Variants in VTI1A observed in about 807,000 individuals in gnomAD.
VTI1A encodes the protein vesicle transport through interaction with t-SNAREs homolog 1A.
VTI1A carries 22 observed loss-of-function variants against 34.9 expected under a neutral mutation model. That is an observed-to-expected ratio of 0.63 (90% CI 0.45 to 0.90). The LOEUF is 0.90. VTI1A is among the 40% of genes least tolerant of loss of function. The pLI, the probability that VTI1A is intolerant of heterozygous loss-of-function variation, is 0.00. For synonymous variants in VTI1A, 87 were observed against 97.3 expected (o/e 0.89, Z 0.62); for missense variants, 268 against 275.6 (o/e 0.97, Z 0.20).
At chr10:112,553,996 A>T (rs1239633949) in intron 5 of VTI1A, among the ~76,000 whole-genome samples, 4 of 152,200 alleles carry the variant, frequency 2.6e-5, no homozygotes, top group African/African-American at 4.8e-5. Flanking sequence ...TAGATGACTT[A>T]CAGGCCAGGT....
intron 5 of VTI1A, among the ~76,000 whole-genome samples, chr10:112,586,411 G>A (rs775651915): frequency 2.0e-5 from 3 of 152,086 alleles, no homozygotes; most frequent in African/African-American, 4.8e-5. Flanking sequence ...TAAATGATTC[G>A]TTAAAACTGA....
intron 5 of VTI1A, among the ~76,000 whole-genome samples, chr10:112,616,193 A>G (rs1470571358): frequency 6.6e-6 from 1 of 152,224 alleles, no homozygotes; most frequent in Non-Finnish European, 1.5e-5. Flanking sequence ...AGTGATTTAT[A>G]AGTGTACAAG....
chr10:112,519,010 A>G (rs1235546821), intron 3 of VTI1A, among the ~76,000 whole-genome samples: 1 of 152,118 alleles, frequency 6.6e-6, no homozygotes, highest in Non-Finnish European at 1.5e-5. Context: ...TAAACATCAT[A>G]GTTTTATTGG....
chr10:112,718,888 G>A (rs1056109694), intron 7 of VTI1A, among the ~76,000 whole-genome samples: 4 of 152,140 alleles, frequency 2.6e-5, no homozygotes, highest in Non-Finnish European at 5.9e-5. Flanking sequence ...ATGAACAGTC[G>A]ACTGCACTGT....
At chr10:112,713,079 G>C (rs7081196) in intron 7 of VTI1A, among the ~76,000 whole-genome samples, 2,745 of 151,970 alleles carry the variant, frequency 0.018, 86 homozygotes, top group African/African-American at 0.063. Flanking sequence ...GGCCATCAAG[G>C]CTGCCCAGAA....
At chr10:112,757,963 C>A (rs1182266401) in intron 7 of VTI1A, among the ~76,000 whole-genome samples, 2 of 152,142 alleles carry the variant, frequency 1.3e-5, no homozygotes, top group African/African-American at 4.8e-5. Context: ...ACAGTTTAAT[C>A]TTCTACTGGA....
chr10:112,560,408 A>G (rs1321036890), intron 5 of VTI1A, among the ~76,000 whole-genome samples: 1 of 152,022 alleles, frequency 6.6e-6, no homozygotes, highest in Non-Finnish European at 1.5e-5. Flanking sequence ...GACTACCCTG[A>G]CCACTCTTTC....
chr10:112,683,758 T>C (rs1332174669), intron 7 of VTI1A, among the ~76,000 whole-genome samples: 1 of 152,086 alleles, frequency 6.6e-6, no homozygotes, highest in Non-Finnish European at 1.5e-5. Context: ...AACCTCTCAT[T>C]TGGGGCCAGG....
chr10:112,825,720 C>T, the VTI1A span: 1 of 152,196 alleles, frequency 6.6e-6, no homozygotes, highest in African/African-American at 2.4e-5. Flanking sequence ...CTAGGGAGCA[C>T]TCCATGGGGT....
At chr10:112,622,216 A>G (rs1845761384) in intron 5 of VTI1A, among the ~76,000 whole-genome samples, 2 of 152,192 alleles carry the variant, frequency 1.3e-5, no homozygotes, top group South Asian at 4.1e-4. Flanking sequence ...CCTAAAAGCC[A>G]AACTGCAAAC....
intron 7 of VTI1A, among the ~76,000 whole-genome samples, chr10:112,690,990 G>A (rs1434779217): frequency 6.6e-6 from 1 of 152,094 alleles, no homozygotes; most frequent in East Asian, 1.9e-4. Flanking sequence ...CCCATAGTTC[G>A]ATCAAAGTGG....
intron 7 of VTI1A, among the ~76,000 whole-genome samples, chr10:112,708,962 A>G (rs2133915984): frequency 6.6e-6 from 1 of 152,340 alleles, no homozygotes. Context: ...TGGCATGTTT[A>G]TGCCACCCCG....
At position 112,500,725 on chromosome 10, in the gene VTI1A, G is replaced by A. The variant is rs145634652; in HGVS notation, c.265-26362G>A. Among the ~76,000 whole-genome samples, 1,096 of 152,162 alleles carry A rather than the reference G, an allele frequency of 7.2e-3. 17 individuals carry two copies. Among genetic ancestry groups the A allele is most frequent in the African/African-American group, 0.025 (1,040 of 41,494 alleles). Reference sequence around the variant, plus strand: ...TGGACTCTTGATTATACCTTTTAAGGCCTCCTATGATGGACCTTTCCTTTC... The same window carrying A: ...TGGACTCTTGATTATACCTTTTAAGACCTCCTATGATGGACCTTTCCTTTC... On this transcript the variant is annotated intron_variant, in intron 3 of 7. Transcript: ENST00000393077.
intron 3 of VTI1A, among the ~76,000 whole-genome samples, chr10:112,518,975 A>G (rs4554811): frequency 0.13 from 19,345 of 151,856 alleles, 1,418 homozygotes; most frequent in East Asian, 0.28. Context: ...GAAAATTTGG[A>G]CTAAATTAAT....
chr10:112,702,939 A>G (rs543091229), intron 7 of VTI1A, among the ~76,000 whole-genome samples: 2 of 152,190 alleles, frequency 1.3e-5, no homozygotes, highest in East Asian at 3.9e-4. Flanking sequence ...GTACCTGGGT[A>G]CTCTCTAGTA....
intron 3 of VTI1A, among the ~76,000 whole-genome samples, chr10:112,523,216 A>G (rs907040290): frequency 2.6e-5 from 4 of 152,144 alleles, no homozygotes; most frequent in African/African-American, 7.2e-5. Flanking sequence ...AAATTTCCAG[A>G]CAGAACTAAG....
At chr10:112,796,644 T>G (rs1852686639) in intron 7 of VTI1A, among the ~76,000 whole-genome samples, 1 of 152,132 alleles carries the variant, frequency 6.6e-6, no homozygotes, top group Non-Finnish European at 1.5e-5. Flanking sequence ...TGTGGGCAAG[T>G]CCTTGGAAGA....
intron 7 of VTI1A, among the ~76,000 whole-genome samples, chr10:112,748,899 G>A (rs1217192781): frequency 6.6e-6 from 1 of 152,106 alleles, no homozygotes; most frequent in Non-Finnish European, 1.5e-5. Flanking sequence ...AAAGTGCTGG[G>A]ATTACAGGCG....
the VTI1A span, among the ~76,000 whole-genome samples, chr10:112,843,416 G>T: frequency 2.6e-5 from 4 of 152,190 alleles, no homozygotes; most frequent in Non-Finnish European, 5.9e-5. Flanking sequence ...CTGTATATAG[G>T]ATGAGCAGGA....
Sources: gnomAD v4.1 joint callset for allele counts (sites outside exome capture counted in the v4.1 genomes callset) on GRCh38, gnomAD v4.1.1 for gene constraint, MANE v1.5 for transcripts, NCBI Gene and HGNC (gene_info 2026-07-23, HGNC 2026-07-21) for gene names.